The following CHL1 variants were observed in gnomAD, a reference collection of about 807,000 sequenced individuals.
CHL1 encodes the protein cell adhesion molecule L1 like.
CHL1 carries 96 observed loss-of-function variants against 141.9 expected under a neutral mutation model. The ratio of observed to expected loss-of-function variants is 0.68; its 90% CI spans 0.57 to 0.80. The LOEUF (loss-of-function observed/expected upper bound fraction) is 0.80, where lower values mean the gene tolerates loss of function less well. Ranked by LOEUF, CHL1 falls within the 30% of genes least tolerant of loss-of-function variation. The pLI, the probability that CHL1 is intolerant of heterozygous loss-of-function variation, is 0.00. For synonymous variants in CHL1, 613 were observed against 502.2 expected (o/e 1.22, Z -2.95); for missense variants, 1,820 against 1,457.2 (o/e 1.25, Z -4.05).
At chr3:354,907 GT>G in intron 11 of CHL1, 136 bp downstream of exon 11, 1 of 1,112,622 alleles carries the variant, frequency 9.0e-7, no homozygotes, top group Non-Finnish European at 1.3e-6. Flanking sequence ...ATCAGAGATT[GT>G]TTATTTCTAA....
At chr3:337,351 C>T (rs1015005581) in intron 5 of CHL1, among the ~76,000 whole-genome samples, 41 of 115,206 alleles carry the variant, frequency 3.6e-4, no homozygotes, top group East Asian at 8.3e-4. Context: ...CCACCACGCC[C>T]GGCTAATTTT....
At chr3:273,343 A>T (rs1490422703) in intron 2 of CHL1, among the ~76,000 whole-genome samples, 1 of 152,156 alleles carries the variant, frequency 6.6e-6, no homozygotes, top group Admixed American at 6.5e-5. Context: ...ACCAAAGGAG[A>T]GTTCCTTACC....
chr3:352,180 T>G (rs1359401349), intron 10 of CHL1, among the ~76,000 whole-genome samples: 1 of 152,162 alleles, frequency 6.6e-6, no homozygotes, highest in Non-Finnish European at 1.5e-5. Flanking sequence ...ATTAATATAC[T>G]TGAGAAATCC....
chr3:338,364 G>C (rs1702102086), intron 5 of CHL1, among the ~76,000 whole-genome samples: 1 of 152,096 alleles, frequency 6.6e-6, no homozygotes, highest in Non-Finnish European at 1.5e-5. Context: ...TATTACTGTT[G>C]TCCAAACTCA....
chr3:379,919 C>G (rs1181280466), intron 16 of CHL1, among the ~76,000 whole-genome samples: 1 of 152,060 alleles, frequency 6.6e-6, no homozygotes, highest in Non-Finnish European at 1.5e-5. Flanking sequence ...GTTTTACCCC[C>G]TGGAAAACAA....
intron 23 of CHL1, among the ~76,000 whole-genome samples, chr3:392,315 C>T (rs1163665316): frequency 6.6e-6 from 1 of 152,194 alleles, no homozygotes; most frequent in African/African-American, 2.4e-5. Context: ...ATATATGCTC[C>T]CAGACTCAAT....
At chr3:202,488 A>T (rs1699043508) in intron 1 of CHL1, among the ~76,000 whole-genome samples, 1 of 152,204 alleles carries the variant, frequency 6.6e-6, no homozygotes, top group South Asian at 2.1e-4. Context: ...CTGAAATTAG[A>T]ATCGTCTGGA....
intron 19 of CHL1, chr3:384,509 ATGT>A (rs1458970877): frequency 6.6e-6 from 1 of 152,132 alleles, no homozygotes; most frequent in Non-Finnish European, 1.5e-5. Flanking sequence ...TCTCGGTTAA[ATGT>A]TATTAAATAG....
In CHL1 at chr3:405,993, C is replaced by G; in HGVS notation, c.*282C>G. The G allele has an allele frequency of 2.9e-6, 1 of 347,200 alleles. No homozygotes were observed. The highest frequency in any genetic ancestry group is 3.0e-5 in the South Asian group (1 of 33,732). The allele number at this position is 347,200 out of a possible 1,614,324, so 21.5% of individuals were successfully genotyped here. A position where few individuals can be genotyped will look rare whatever the true frequency, so the allele number is the denominator to read the frequency against. On this transcript the variant is annotated 3_prime_UTR_variant, in exon 28 of 28. Transcript: ENST00000256509. Reference sequence around the variant, plus strand: ...TACACCTCAACTAAATCCAAAGTCCCCATTCAGTATATTCCATATTTGCCT... The same window carrying G: ...TACACCTCAACTAAATCCAAAGTCCGCATTCAGTATATTCCATATTTGCCT...
intron 24 of CHL1, among the ~76,000 whole-genome samples, chr3:397,184 T>C (rs1009728511): frequency 1.3e-5 from 2 of 152,170 alleles, no homozygotes; most frequent in Non-Finnish European, 2.9e-5. Context: ...AAGCTTGCAC[T>C]ACTTAATGTT....
chr3:231,204 A>G (rs1195606825), intron 1 of CHL1, among the ~76,000 whole-genome samples: 3 of 152,212 alleles, frequency 2.0e-5, no homozygotes, highest in Non-Finnish European at 4.4e-5. Flanking sequence ...GACAATGCAT[A>G]CTGGAGATAT....
At chr3:257,709 C>A (rs77981684) in intron 2 of CHL1, among the ~76,000 whole-genome samples, 1 of 152,042 alleles carries the variant, frequency 6.6e-6, no homozygotes, top group African/African-American at 2.4e-5. Context: ...TGCCACAGGT[C>A]TATTTAAAAT....
intron 6 of CHL1, 112 bp downstream of exon 6, chr3:341,028 T>C: frequency 8.3e-7 from 1 of 1,202,936 alleles, no homozygotes; most frequent in Non-Finnish European, 1.2e-6. Context: ...CTTAATTTTT[T>C]CATATTTGAA....
chr3:343,954 T>C (rs1702553659), intron 8 of CHL1, among the ~76,000 whole-genome samples: 1 of 152,204 alleles, frequency 6.6e-6, no homozygotes, highest in South Asian at 2.1e-4. Context: ...ATGGAAGTCT[T>C]CTAATTTGCC....
intron 5 of CHL1, among the ~76,000 whole-genome samples, chr3:340,347 G>A (rs575271311): frequency 1.3e-4 from 20 of 152,182 alleles, no homozygotes; most frequent in Non-Finnish European, 2.5e-4. Context: ...TGTGGTTAAT[G>A]CACTGGCTGG....
intron 2 of CHL1, among the ~76,000 whole-genome samples, chr3:258,912 T>C (rs1361226689): frequency 6.6e-6 from 1 of 151,848 alleles, no homozygotes; most frequent in Non-Finnish European, 1.5e-5. Flanking sequence ...CACACACCTT[T>C]ATTTTAAACG....
chr3:297,195 C>T (rs2124866334), intron 2 of CHL1, among the ~76,000 whole-genome samples: 1 of 152,018 alleles, frequency 6.6e-6, no homozygotes, highest in East Asian at 1.9e-4. Flanking sequence ...TACTACACTT[C>T]AACCTGTGTG....
chr3:323,677 C>A (rs1391517467), intron 3 of CHL1, among the ~76,000 whole-genome samples: 1 of 152,078 alleles, frequency 6.6e-6, no homozygotes, highest in Admixed American at 6.6e-5. Flanking sequence ...CCTATTTCAA[C>A]AGATGAAATG....
At chr3:259,599 C>A (rs1285317154) in intron 2 of CHL1, among the ~76,000 whole-genome samples, 1 of 152,130 alleles carries the variant, frequency 6.6e-6, no homozygotes, top group African/African-American at 2.4e-5. Flanking sequence ...ATCCACCATT[C>A]CTTGCTATCT....
Sources: gnomAD v4.1 joint callset for allele counts (sites outside exome capture counted in the v4.1 genomes callset) on GRCh38, gnomAD v4.1.1 for gene constraint, MANE v1.5 for transcripts, NCBI Gene and HGNC (gene_info 2026-07-23, HGNC 2026-07-21) for gene names.